CAMK2D: variants seen among roughly 807,000 people sequenced by gnomAD.
CAMK2D encodes calcium/calmodulin-dependent protein kinase type II subunit delta.
CAMK2D carries 37 observed loss-of-function variants against 84.0 expected under a neutral mutation model. The ratio of observed to expected loss-of-function variants is 0.44; its 90% confidence interval spans 0.34 to 0.58. The LOEUF is 0.58. CAMK2D is among the 20% of genes least tolerant of loss of function. The probability of loss-of-function intolerance (pLI) is 0.02; values close to 1 mark genes in which losing one functional copy is unlikely to be tolerated. For synonymous variants in CAMK2D, 202 were observed against 212.5 expected, an observed-to-expected ratio of 0.95 and a Z score of 0.43; for missense variants, 448 against 652.5, an observed-to-expected ratio of 0.69 and a Z score of 3.41.
intron 2 of CAMK2D, among the ~76,000 whole-genome samples, chr4:113,687,505 G>A (rs1368224835): frequency 6.6e-6 from 1 of 152,184 alleles, no homozygotes; most frequent in African/African-American, 2.4e-5. Flanking sequence ...AGGTGCACTA[G>A]TGACTGACAT....
chr4:113,541,809 T>C (rs1195024823), intron 6 of CAMK2D, among the ~76,000 whole-genome samples: 1 of 152,124 alleles, frequency 6.6e-6, no homozygotes, highest in African/African-American at 2.4e-5. Flanking sequence ...CCAAAGAAGG[T>C]GCAAATGAAG....
intron 17 of CAMK2D, among the ~76,000 whole-genome samples, chr4:113,464,610 A>G (rs377667997): frequency 2.3e-4 from 35 of 152,328 alleles, no homozygotes; most frequent in Middle Eastern, 6.8e-3. Context: ...GCTTTATTTT[A>G]ACTTCAGCAA....
At chr4:113,732,447 C>T (rs116357929) in intron 2 of CAMK2D, among the ~76,000 whole-genome samples, 1,732 of 152,236 alleles carry the variant, frequency 0.011, 50 homozygotes, top group African/African-American at 0.039. Flanking sequence ...AATGTCGAAA[C>T]ACTTGCATTG....
At chr4:113,542,738 A>G (rs1016160540) in intron 6 of CAMK2D, among the ~76,000 whole-genome samples, 1 of 152,046 alleles carries the variant, frequency 6.6e-6, no homozygotes, top group African/African-American at 2.4e-5. Context: ...AAATTTACTA[A>G]GTACTTCTCA....
At chr4:113,489,703 T>C (rs1474249620) in intron 16 of CAMK2D, among the ~76,000 whole-genome samples, 1 of 149,222 alleles carries the variant, frequency 6.7e-6, no homozygotes, top group East Asian at 2.0e-4. Context: ...TCTAGATCCC[T>C]GAGGAATCGC....
At chr4:113,697,541 G>A (rs1246200699) in intron 2 of CAMK2D, among the ~76,000 whole-genome samples, 1 of 152,046 alleles carries the variant, frequency 6.6e-6, no homozygotes, top group African/African-American at 2.4e-5. Flanking sequence ...CAAACGCCTG[G>A]CCTACTATAT....
In CAMK2D at chr4:113,761,030, C is replaced by G; in HGVS notation, c.39G>C (p.Glu13Asp). 1 of 1,614,226 alleles carries G rather than the reference C, an allele frequency of 6.2e-7. No homozygotes were observed. Among genetic ancestry groups the G allele is most frequent in the South Asian group, 1.1e-5 (1 of 91,088 alleles). The stretch of plus-strand genomic sequence containing the variant: ...TTCCAAGCTCCTCGAAAAGCTGATA[C>G]TCGTCCGTGAACCTGGTGCAGGTTG... ...STTTCTRFTDEYQLFEELGKG... is the reference protein window; with the variant it reads ...STTTCTRFTDDYQLFEELGKG... The change falls in exon 1 of 21, where the codon GAG (glutamate) becomes GAC (aspartate). Residue 13 changes from glutamate to aspartate, a missense_variant. Physicochemically the swap from Glu to Asp is conservative, Grantham distance 45. Around this residue, in one of 7 missense-constraint regions of CAMK2D, gnomAD observed 44 missense variants for 45.6 expected, o/e 0.96. Transcript: ENST00000511664.
intron 2 of CAMK2D, among the ~76,000 whole-genome samples, chr4:113,725,592 C>G (rs746259583): frequency 1.3e-5 from 2 of 152,102 alleles, no homozygotes; most frequent in African/African-American, 4.8e-5. Flanking sequence ...TAGGTTTAAT[C>G]TGCTTATAAC....
intron 3 of CAMK2D, among the ~76,000 whole-genome samples, chr4:113,615,733 A>G (rs1427953801): frequency 1.3e-5 from 2 of 152,122 alleles, no homozygotes; most frequent in East Asian, 1.9e-4. Context: ...AGACAGGTAT[A>G]GATACATATT....
intron 4 of CAMK2D, among the ~76,000 whole-genome samples, chr4:113,576,086 T>C (rs1319353980): frequency 6.6e-6 from 1 of 152,108 alleles, no homozygotes; most frequent in Admixed American, 6.6e-5. Context: ...CAGGCTGGAG[T>C]GCAGTGACAA....
At position 113,659,814 on chromosome 4, in the gene CAMK2D, T is replaced by A. The variant is rs139770003; in HGVS notation, c.220+1899A>T. Among the ~76,000 whole-genome samples, 728 of 152,346 alleles carry A rather than the reference T, an allele frequency of 4.8e-3. 4 individuals are homozygous for A. The highest frequency in any genetic ancestry group is 0.017 in the African/African-American group (694 of 41,584). On this transcript the variant is annotated intron_variant, in intron 3 of 20. Transcript: ENST00000511664. ...ATGCTTCTAGAGAGGTAGATTTATA[T>A]GTCAGAGTTGTTTTGTTCTCTCCTC...
At chr4:113,646,177 A>C (rs1296210305) in intron 3 of CAMK2D, among the ~76,000 whole-genome samples, 1 of 152,214 alleles carries the variant, frequency 6.6e-6, no homozygotes, top group Non-Finnish European at 1.5e-5. Context: ...CATAAGTTAA[A>C]ATTTATGCTT....
intron 4 of CAMK2D, among the ~76,000 whole-genome samples, chr4:113,565,272 A>G (rs1007554704): frequency 6.6e-6 from 1 of 152,192 alleles, no homozygotes; most frequent in African/African-American, 2.4e-5. Context: ...CCATTACAAC[A>G]AATTAAAGAG....
intron 3 of CAMK2D, among the ~76,000 whole-genome samples, chr4:113,655,786 T>C (rs1249872131): frequency 6.6e-6 from 1 of 152,118 alleles, no homozygotes; most frequent in East Asian, 1.9e-4. Flanking sequence ...CAATATTTTT[T>C]CTTTTCCTTT....
intron 4 of CAMK2D, among the ~76,000 whole-genome samples, chr4:113,557,760 C>T (rs2098674624): frequency 6.6e-6 from 1 of 152,100 alleles, no homozygotes; most frequent in Admixed American, 6.6e-5. Context: ...ACCAGTCCTA[C>T]CCTTAGCTCC....
intron 14 of CAMK2D, among the ~76,000 whole-genome samples, chr4:113,504,637 T>C (rs2098102949): frequency 6.6e-6 from 1 of 152,174 alleles, no homozygotes; most frequent in Non-Finnish European, 1.5e-5. Flanking sequence ...AGAACTATCA[T>C]CATCAGAAGA....
chr4:113,711,147 TATA>T (rs1323620670), intron 2 of CAMK2D, among the ~76,000 whole-genome samples: 2 of 148,740 alleles, frequency 1.3e-5, no homozygotes, highest in Non-Finnish European at 3.0e-5. Flanking sequence ...AATATAAAAA[TATA>T]ATTATATATT....
intron 8 of CAMK2D, among the ~76,000 whole-genome samples, chr4:113,519,242 T>C (rs893293377): frequency 9.2e-5 from 14 of 152,314 alleles, no homozygotes; most frequent in Non-Finnish European, 2.1e-4. Flanking sequence ...AATTAGGCTG[T>C]TATAGAATTA....
chr4:113,530,637 T>C (rs1193988574), intron 8 of CAMK2D, among the ~76,000 whole-genome samples: 1 of 152,164 alleles, frequency 6.6e-6, no homozygotes, highest in Non-Finnish European at 1.5e-5. Flanking sequence ...TTAATGCTCT[T>C]ATAAAAGAGA....
Sources: gnomAD v4.1 joint callset for allele counts (sites outside exome capture counted in the v4.1 genomes callset) on GRCh38, gnomAD v4.1.1 for gene constraint, gnomAD v4.1.1 regional missense constraint, MANE v1.5 for transcripts, NCBI Gene and HGNC (gene_info 2026-07-23, HGNC 2026-07-21) for gene names.